EDNRB: variants seen among roughly 807,000 people sequenced by gnomAD.
EDNRB encodes the protein endothelin receptor type B, also known as Hirschsprung disease 2.
EDNRB carries 18 observed loss-of-function variants against 46.4 expected under a neutral mutation model. The ratio of observed to expected loss-of-function variants is 0.39; its 90% CI spans 0.27 to 0.57. The LOEUF (loss-of-function observed/expected upper bound fraction) is 0.57. Ranked by LOEUF, EDNRB falls within the 20% of genes least tolerant of loss-of-function variation. The pLI is 0.61. For missense variants in EDNRB, 434 were observed against 537.5 expected, an observed-to-expected ratio of 0.81 and a Z score of 1.90; for synonymous variants, 213 against 204.9, an observed-to-expected ratio of 1.04 and a Z score of -0.34.
intron 1 of EDNRB, among the ~76,000 whole-genome samples, chr13:77,927,769 T>G (rs949748502): frequency 6.6e-6 from 1 of 152,204 alleles, no homozygotes; most frequent in Non-Finnish European, 1.5e-5. Context: ...AAGAAAAGTG[T>G]TCTTATTACT....
intron 1 of EDNRB, among the ~76,000 whole-genome samples, chr13:77,904,169 C>T (rs1036818553): frequency 2.2e-4 from 34 of 151,944 alleles, no homozygotes; most frequent in Admixed American, 3.9e-4. Context: ...TTAGGGCTTT[C>T]GCTGTAGGTC....
intron 1 of EDNRB, among the ~76,000 whole-genome samples, chr13:77,934,576 A>G (rs1880500674): frequency 6.6e-6 from 1 of 151,228 alleles, no homozygotes. Context: ...GAAAGTGTCT[A>G]CTCAGACTAA....
At chr13:77,937,372 C>T (rs780516641) in intron 1 of EDNRB, among the ~76,000 whole-genome samples, 11 of 152,098 alleles carry the variant, frequency 7.2e-5, no homozygotes, top group Non-Finnish European at 1.2e-4. Context: ...CGGTTATCAG[C>T]GTGAGATTGG....
intron 1 of EDNRB, among the ~76,000 whole-genome samples, chr13:77,955,316 T>C (rs1168417698): frequency 6.6e-6 from 1 of 152,190 alleles, no homozygotes; most frequent in Non-Finnish European, 1.5e-5. Context: ...AAAAATTAAA[T>C]TGTTCATTTT....
At chr13:77,968,356 A>G in intron 1 of EDNRB, among the ~76,000 whole-genome samples, 1 of 152,328 alleles carries the variant, frequency 6.6e-6, no homozygotes, top group East Asian at 1.9e-4. Flanking sequence ...TGTTTACTTC[A>G]TAAAGTAAGC....
At chr13:77,939,670 T>G (rs1330146603) in intron 1 of EDNRB, 2 of 152,202 alleles carry the variant, frequency 1.3e-5, no homozygotes, top group Non-Finnish European at 2.9e-5. Flanking sequence ...TTCCTAGATG[T>G]TTTTTATATT....
chr13:77,930,000 A>G (rs1880345975), intron 1 of EDNRB, among the ~76,000 whole-genome samples: 1 of 152,188 alleles, frequency 6.6e-6, no homozygotes, highest in Non-Finnish European at 1.5e-5. Context: ...AGACCTCGTG[A>G]TAAACTTTCT....
At chr13:77,935,980 T>C in intron 1 of EDNRB, among the ~76,000 whole-genome samples, 2 of 152,146 alleles carry the variant, frequency 1.3e-5, no homozygotes, top group Non-Finnish European at 2.9e-5. Context: ...GGGGGAATTG[T>C]AAGGAGAGTT....
upstream of EDNRB, among the ~76,000 whole-genome samples, chr13:77,923,786 T>A (rs888482353): frequency 6.6e-6 from 1 of 151,998 alleles, no homozygotes; most frequent in East Asian, 1.9e-4. Context: ...TACTTTTTTT[T>A]TTTTTTTAAA....
At chr13:77,948,902 C>T (rs1881010279) in intron 1 of EDNRB, among the ~76,000 whole-genome samples, 1 of 152,138 alleles carries the variant, frequency 6.6e-6, no homozygotes, top group Non-Finnish European at 1.5e-5. Context: ...GGAAGTAAAA[C>T]ATAAAAGATT....
At chr13:77,945,889 A>C (rs573103753) in intron 1 of EDNRB, among the ~76,000 whole-genome samples, 2 of 151,636 alleles carry the variant, frequency 1.3e-5, no homozygotes, top group African/African-American at 4.8e-5. Context: ...AAAAAAAAAA[A>C]AAAACAAAAA....
upstream of EDNRB, chr13:77,919,004 C>A: frequency 1.3e-6 from 1 of 773,224 alleles, no homozygotes; most frequent in Non-Finnish European, 1.7e-6. Context: ...GGAATTAAGG[C>A]ACCTAGAGGC....
Position 77,907,752 on chromosome 13 carries a change from T to A in EDNRB, c.484-4145A>T, listed in dbSNP as rs113702876. Among the ~76,000 whole-genome samples the A allele has an allele frequency of 1.1e-3, 164 of 152,054 alleles. 1 individual carries two copies. Among genetic ancestry groups the A allele is most frequent in the African/African-American group, 3.7e-3 (152 of 41,534 alleles). ...CCAGACCATTGAAGGGAAAGAAGTC[T>A]GGCTGATGAAAATGAGCTCTGCACT... On this transcript the variant is annotated intron_variant, in intron 1 of 6. Transcript: ENST00000646607.
chr13:77,901,381 T>C (rs918385864), intron 3 of EDNRB, among the ~76,000 whole-genome samples, 174 bp from the exon 4 acceptor site: 1 of 152,016 alleles, frequency 6.6e-6, no homozygotes, highest in Non-Finnish European at 1.5e-5. Context: ...TAAATAGTCA[T>C]GTTAAATAAA....
At chr13:77,926,523 C>A (rs1004000434) in intron 1 of EDNRB, among the ~76,000 whole-genome samples, 2 of 152,206 alleles carry the variant, frequency 1.3e-5, no homozygotes, top group African/African-American at 2.4e-5. Context: ...CAGTTCCCAA[C>A]AAGTTCCTCA....
intron 1 of EDNRB, among the ~76,000 whole-genome samples, chr13:77,968,055 T>A (rs17068606): frequency 0.25 from 37,740 of 152,064 alleles, 5,847 homozygotes; most frequent in East Asian, 0.54. Flanking sequence ...GACTGAACTC[T>A]GACAAAAGAT....
chr13:77,916,141 G>A (rs1160715583), intron 1 of EDNRB, among the ~76,000 whole-genome samples: 1 of 152,156 alleles, frequency 6.6e-6, no homozygotes, highest in African/African-American at 2.4e-5. Context: ...TAACTGGGCT[G>A]GACATGTGGG....
chr13:77,971,624 GT>G (rs1881735274), intron 1 of EDNRB, among the ~76,000 whole-genome samples: 1 of 148,930 alleles, frequency 6.7e-6, no homozygotes, highest in South Asian at 2.1e-4. Context: ...GCTTGCTGCT[GT>G]TGATTGTAAT....
intron 1 of EDNRB, among the ~76,000 whole-genome samples, chr13:77,938,501 A>AC (rs1594385871): frequency 6.6e-6 from 1 of 151,516 alleles, no homozygotes; most frequent in Non-Finnish European, 1.5e-5. Context: ...GGGGGTTCTT[A>AC]CCCCCCAGAA....
Sources: allele counts gnomAD v4.1 joint callset (sites outside exome capture counted in the v4.1 genomes callset), GRCh38; gene constraint gnomAD v4.1.1; transcripts MANE v1.5; gene names NCBI Gene and HGNC (gene_info 2026-07-23, HGNC 2026-07-21).